Variants in IPPK observed in about 807,000 individuals in gnomAD.
IPPK encodes inositol-pentakisphosphate 2-kinase.
Under a neutral mutation model 64.6 loss-of-function variants are expected in IPPK, and 22 were observed. That is an observed-to-expected ratio of 0.34 (90% CI 0.24 to 0.49). The LOEUF (loss-of-function observed/expected upper bound fraction) is 0.49. Among genes scored for constraint, IPPK ranks in the 20% least tolerant of loss-of-function variants. IPPK has a pLI of 0.99. For missense variants in IPPK, 532 were observed against 630.7 expected (o/e 0.84, Z 1.68); for synonymous variants, 262 against 247.2 (o/e 1.06, Z -0.56).
chr9:92,661,739 G>A (rs1852489069), intron 1 of IPPK, among the ~76,000 whole-genome samples: 1 of 152,200 alleles, frequency 6.6e-6, no homozygotes, highest in Admixed American at 6.5e-5. Flanking sequence ...CCTACCCCCA[G>A]GGGAACCGTA....
rs377478701 is a variant in IPPK, at chr9:92,641,683, C to T, written c.564-901G>A. On this transcript the variant is annotated intron_variant, in intron 7 of 12. Transcript: ENST00000287996. ...TTTTTAACTTCCAAAGACAACTCCGCGTTCGATCTTTGTTCCCGGAAGTTT... is the reference window on the plus strand; with the variant it reads ...TTTTTAACTTCCAAAGACAACTCCGTGTTCGATCTTTGTTCCCGGAAGTTT... Among the ~76,000 whole-genome samples, 14 of 152,280 alleles carry T rather than the reference C, an allele frequency of 9.2e-5. No homozygotes were observed. In the East Asian group the frequency reaches 1.5e-3, roughly 17 times the overall value.
At chr9:92,659,776 C>T (rs965483968) in intron 1 of IPPK, among the ~76,000 whole-genome samples, 5 of 152,122 alleles carry the variant, frequency 3.3e-5, no homozygotes, top group Non-Finnish European at 5.9e-5. Flanking sequence ...CTCCCCCACC[C>T]GCTCCCCGCA....
chr9:92,649,391 G>A (rs1852212212), intron 5 of IPPK, 62 bp downstream of exon 5: 1 of 1,601,910 alleles, frequency 6.2e-7, no homozygotes, highest in Non-Finnish European at 8.5e-7. Flanking sequence ...GTGACTCTTG[G>A]ACTTACTACC....
In IPPK at chr9:92,638,119, T is replaced by G; in HGVS notation, c.798A>C (p.Thr266=). ...AVIRELVHVI[T]RVLLSGSDKG... The stretch of plus-strand genomic sequence containing the variant: ...TGTCCGAGCCACTCAGCAGCACCCG[T>G]GTGATCACGTGCACCAGCTCCCTGA... Residue 266 remains threonine (T), a synonymous_variant, in exon 9 of 13, where the codon ACA becomes ACC. Coordinates refer to ENST00000287996, the MANE Select transcript of IPPK (RefSeq NM_022755.6). The G allele has an allele frequency of 6.2e-7, 1 of 1,614,146 alleles. No individual in the cohort carries two copies. Among genetic ancestry groups the G allele is most frequent in the Non-Finnish European group, 8.5e-7 (1 of 1,180,020 alleles).
intron 7 of IPPK, 66 bp from the exon 8 acceptor site, chr9:92,640,848 C>G: frequency 9.1e-7 from 1 of 1,103,240 alleles, no homozygotes; most frequent in Non-Finnish European, 1.4e-6. Flanking sequence ...GCACACACAC[C>G]TGCTCGTGGC....
chr9:92,655,002 C>T (rs1029055323), intron 3 of IPPK, among the ~76,000 whole-genome samples: 1 of 152,226 alleles, frequency 6.6e-6, no homozygotes, highest in Non-Finnish European at 1.5e-5. Context: ...AGTGGAAGAA[C>T]AAGGCAAGCA....
intron 12 of IPPK, chr9:92,616,571 A>T (rs998968753): frequency 3.9e-5 from 6 of 154,490 alleles, no homozygotes; most frequent in African/African-American, 1.2e-4. Flanking sequence ...TCTGCTGAGA[A>T]ACGCAAGCTC....
At chr9:92,633,549 G>A (rs1382885820) in intron 11 of IPPK, among the ~76,000 whole-genome samples, 1 of 151,846 alleles carries the variant, frequency 6.6e-6, no homozygotes, top group African/African-American at 2.4e-5. Context: ...TTCTTTTGTA[G>A]AGATGGGCGT....
Position 92,638,178 on chromosome 9 carries a change from G to C in IPPK, c.739C>G (p.Leu247Val), listed in dbSNP as rs1480619868. ...CTTGTGCAGTGGGGCCCACTGGCCAGGCCGTTGGAAGGGAAGAAGAACGGC... is the reference window on the plus strand; with the variant it reads ...CTTGTGCAGTGGGGCCCACTGGCCACGCCGTTGGAAGGGAAGAAGAACGGC... ...LKPFFFPSNG[L>V]ASGPHCTRAV... Residue 247 changes from leucine (L) to valine (V), a missense_variant, in exon 9 of 13, where the codon CTG becomes GTG. Leu to Val is a conservative substitution (Grantham distance 32). Transcript: ENST00000287996. 1.2e-5 allele frequency: 20 copies of C among 1,614,272 alleles called. No homozygotes were observed. Among genetic ancestry groups the C allele is most frequent in the Non-Finnish European group, 1.7e-5 (20 of 1,180,052 alleles).
chr9:92,613,342 A>C lies in IPPK; in HGVS notation c.*2490T>G. 1 of 594,482 alleles carries C rather than the reference A, an allele frequency of 1.7e-6. No homozygotes were observed. Among genetic ancestry groups the C allele is most frequent in the East Asian group, 3.1e-5 (1 of 32,278 alleles). The allele number at this position is 594,482 out of a possible 1,614,324, so 36.8% of individuals were successfully genotyped here. A position where few individuals can be genotyped will look rare whatever the true frequency, so the allele number is the denominator to read the frequency against. ...CAACTAGTTAAGTATAAAATGCCAA[A>C]TAAAAGTGACACGTACAATGTGGTT... On this transcript the variant is annotated 3_prime_UTR_variant, in exon 13 of 13. Coordinates refer to ENST00000287996, the MANE Select transcript of IPPK (RefSeq NM_022755.6).
intron 11 of IPPK, among the ~76,000 whole-genome samples, chr9:92,632,589 T>C (rs1053575556): frequency 6.6e-6 from 1 of 152,274 alleles, no homozygotes; most frequent in Admixed American, 6.5e-5. Flanking sequence ...CACTGCTGTT[T>C]ATACCTAAAT....
At chr9:92,621,317 TGAAAA>T (rs545795770) in intron 11 of IPPK, among the ~76,000 whole-genome samples, 55 of 151,942 alleles carry the variant, frequency 3.6e-4, no homozygotes, top group African/African-American at 1.1e-3. Flanking sequence ...CCTATAAACA[TGAAAA>T]GATAATAAAA....
intron 11 of IPPK, among the ~76,000 whole-genome samples, chr9:92,632,718 T>C (rs945953582): frequency 1.3e-5 from 2 of 152,174 alleles, no homozygotes; most frequent in African/African-American, 2.4e-5. Context: ...TCTGCTAACA[T>C]CCCTGTGGCC....
chr9:92,649,344 T>C (rs1417946937), intron 5 of IPPK, 109 bp downstream of exon 5: 18 of 1,309,240 alleles, frequency 1.4e-5, no homozygotes, highest in Admixed American at 1.9e-5. Flanking sequence ...CAAGGGTGCC[T>C]ACCACTCACT....
intron 5 of IPPK, among the ~76,000 whole-genome samples, chr9:92,648,566 C>G (rs1852194556): frequency 6.6e-6 from 1 of 152,166 alleles, no homozygotes; most frequent in Non-Finnish European, 1.5e-5. Context: ...TTGCTAGGCT[C>G]CCAGAAGGTC....
intron 1 of IPPK, among the ~76,000 whole-genome samples, chr9:92,662,234 G>C (rs189499796): frequency 6.6e-6 from 1 of 152,142 alleles, no homozygotes; most frequent in Non-Finnish European, 1.5e-5. Context: ...TGTTAAAAGT[G>C]AAGAAAAAGG....
In IPPK at chr9:92,638,209, G is replaced by A; in HGVS notation, c.708C>T (p.His236=). 3.1e-6 allele frequency: 5 copies of A among 1,614,238 alleles called. No individual in the cohort carries two copies. In the East Asian group the frequency reaches 1.1e-4, roughly 36 times the overall value. Residue 236 remains histidine (H), a synonymous_variant, in exon 9 of 13, where the codon CAC becomes CAT. Coordinates refer to ENST00000287996, the MANE Select transcript of IPPK (RefSeq NM_022755.6). ...TGGAAGGGAAGAAGAACGGCTTCAG[G>A]TGGTGTGCAAGCTCGCTCCAGTCAG... is the stretch of plus-strand genomic sequence containing the variant. The part of the protein sequence containing the change: ...PVADWSELAH[H]LKPFFFPSNG...
Position 92,638,039 on chromosome 9 carries a change from C to T in IPPK, c.878G>A (p.Cys293Tyr). The change falls in exon 9 of 13, where the codon TGC becomes TAC. Residue 293 changes from cysteine (C) to tyrosine (Y), a missense_variant. Transcript: ENST00000287996. ...PGLGPQGPRV[C>Y]EASPFSRSLR... The stretch of plus-strand genomic sequence containing the variant: ...GCTCCTACTGAAAGGGCTGGCTTCG[C>T]AGACTCGCGGGCCCTGAGGCCCGAG... The T allele has an allele frequency of 6.3e-7, 1 of 1,598,398 alleles. No individual in the cohort carries two copies. Among genetic ancestry groups the T allele is most frequent in the African/African-American group, 1.3e-5 (1 of 74,728 alleles).
At chr9:92,642,881 A>T in intron 6 of IPPK, 71 bp from the exon 7 acceptor site, 1 of 1,176,218 alleles carries the variant, frequency 8.5e-7, no homozygotes, top group Non-Finnish European at 1.3e-6. Flanking sequence ...CTGAACACAC[A>T]GAACAGCATC....
Sources: gnomAD v4.1 joint callset for allele counts (sites outside exome capture counted in the v4.1 genomes callset) on GRCh38, gnomAD v4.1.1 for gene constraint, MANE v1.5 for transcripts, NCBI Gene and HGNC (gene_info 2026-07-23, HGNC 2026-07-21) for gene names.